Variants in SLC41A2 observed in about 807,000 individuals in gnomAD.
The protein encoded by SLC41A2 is SLC41A1-like 1.
A neutral mutation model predicts 58.3 loss-of-function variants in SLC41A2; 32 were observed. The observed-to-expected ratio is 0.55, with a 90% CI of 0.41 to 0.74. The LOEUF (loss-of-function observed/expected upper bound fraction) is 0.74. Among genes scored for constraint, SLC41A2 ranks in the 30% least tolerant of loss-of-function variants. The pLI, the probability that SLC41A2 is intolerant of heterozygous loss-of-function variation, is 0.00. For missense variants in SLC41A2, 514 were observed against 680.6 expected, an observed-to-expected ratio of 0.76 and a Z score of 2.72; for synonymous variants, 190 against 235.0, an observed-to-expected ratio of 0.81 and a Z score of 1.75.
At chr12:104,952,832 TG>T (rs993231042) in intron 1 of SLC41A2, among the ~76,000 whole-genome samples, 2 of 152,206 alleles carry the variant, frequency 1.3e-5, no homozygotes, top group African/African-American at 4.8e-5. Flanking sequence ...ATGTTCTTTT[TG>T]CTCAAAACAC....
At position 104,819,843 on chromosome 12, in the gene SLC41A2, G is replaced by C. The variant is rs117448812; in HGVS notation, c.1537-14506C>G. Among the ~76,000 whole-genome samples the C allele has an allele frequency of 8.8e-3, 1,346 of 152,296 alleles. 40 individuals carry two copies. In the East Asian group the frequency reaches 0.12, roughly 14 times the overall value. ...TTTCCCCAACCCTTCTTTTCCTCCT[G>C]TAAGGATACAATGCTGTGGAGTCTT... is the stretch of plus-strand genomic sequence containing the variant. On this transcript the variant is annotated intron_variant, in intron 10 of 10. Transcript: ENST00000258538.
chr12:104,886,570 G>T, intron 5 of SLC41A2, 131 bp from the exon 6 acceptor site: 1 of 902,378 alleles, frequency 1.1e-6, no homozygotes. Flanking sequence ...GCTGACTAAA[G>T]CAAACAAAAC....
At chr12:104,854,387 C>T (rs1167152447) in intron 8 of SLC41A2, among the ~76,000 whole-genome samples, 2 of 151,940 alleles carry the variant, frequency 1.3e-5, no homozygotes, top group African/African-American at 4.8e-5. Flanking sequence ...CACGGTGAAA[C>T]CCCGTCTCTA....
intron 10 of SLC41A2, among the ~76,000 whole-genome samples, chr12:104,811,420 T>C (rs2041169538): frequency 6.6e-6 from 1 of 152,140 alleles, no homozygotes; most frequent in African/African-American, 2.4e-5. Flanking sequence ...ATAAAGTGTA[T>C]AAGTATAAAA....
chr12:104,810,552 A>T (rs1450898760), intron 10 of SLC41A2, among the ~76,000 whole-genome samples: 1 of 152,190 alleles, frequency 6.6e-6, no homozygotes, highest in Non-Finnish European at 1.5e-5. Flanking sequence ...AAGGTTGGCA[A>T]ACTACAGCCC....
intron 1 of SLC41A2, among the ~76,000 whole-genome samples, chr12:104,936,073 C>T (rs1457343026): frequency 6.6e-6 from 1 of 151,516 alleles, no homozygotes; most frequent in African/African-American, 2.4e-5. Flanking sequence ...TGCCTAGTGA[C>T]ATCATAGCTG....
intron 10 of SLC41A2, among the ~76,000 whole-genome samples, chr12:104,814,687 T>TAAAC (rs1410495864): frequency 6.6e-6 from 1 of 152,174 alleles, no homozygotes; most frequent in African/African-American, 2.4e-5. Context: ...TTGCCAAAAT[T>TAAAC]AAACAAGATA....
intron 6 of SLC41A2, among the ~76,000 whole-genome samples, chr12:104,884,588 T>C (rs565779656): frequency 9.2e-5 from 14 of 152,318 alleles, no homozygotes; most frequent in African/African-American, 3.4e-4. Context: ...ATTTCTGTCC[T>C]TTTAATGATA....
In SLC41A2 at chr12:104,928,545, C is replaced by T. The variant is rs1233377654; in HGVS notation, c.-18G>A. On this transcript the variant is annotated 5_prime_UTR_variant, in exon 2 of 11. Coordinates refer to ENST00000258538, the MANE Select transcript of SLC41A2 (RefSeq NM_001352171.3). The stretch of plus-strand genomic sequence containing the variant: ...TTAGTCATATTGTCATCACAAAAGA[C>T]CCTGTACTCCTTAGATCTCAAGCTT... 6.9e-7 allele frequency: 1 copy of T among 1,446,232 alleles called. No homozygotes were observed. Among genetic ancestry groups the T allele is most frequent in the Non-Finnish European group, 9.2e-7 (1 of 1,092,644 alleles). 89.6% of individuals were successfully genotyped at this position (1,446,232 alleles called of 1,614,324 possible).
chr12:104,829,525 C>T (rs2041969331), intron 10 of SLC41A2, among the ~76,000 whole-genome samples: 1 of 151,854 alleles, frequency 6.6e-6, no homozygotes, highest in South Asian at 2.1e-4. Context: ...CATGAGGAAA[C>T]CTTTTGGAGG....
intron 10 of SLC41A2, among the ~76,000 whole-genome samples, chr12:104,825,387 G>A (rs1384024764): frequency 2.0e-5 from 3 of 152,206 alleles, no homozygotes; most frequent in Admixed American, 2.0e-4. Context: ...CTCGCCTGCT[G>A]TGTCAATGGA....
chr12:104,831,278 C>G (rs2042025355), intron 10 of SLC41A2, among the ~76,000 whole-genome samples: 1 of 152,044 alleles, frequency 6.6e-6, no homozygotes, highest in African/African-American at 2.4e-5. Context: ...CTCCCCATGT[C>G]TTAAAAATAA....
chr12:104,893,183 A>G (rs2045103371), intron 4 of SLC41A2, among the ~76,000 whole-genome samples: 1 of 152,242 alleles, frequency 6.6e-6, no homozygotes, highest in African/African-American at 2.4e-5. Flanking sequence ...CTGATTTTAA[A>G]ACAGGCAAAA....
At chr12:104,841,598 T>C in intron 10 of SLC41A2, among the ~76,000 whole-genome samples, 1 of 152,080 alleles carries the variant, frequency 6.6e-6, no homozygotes, top group East Asian at 1.9e-4. Context: ...CAGGGTACTT[T>C]GGGAAATAGA....
rs1035625164 is a variant in SLC41A2 at position 104,875,058 on chromosome 12, T to C, written c.1028-8479A>G. Among the ~76,000 whole-genome samples, 5 of 152,350 alleles carry C rather than the reference T, an allele frequency of 3.3e-5. 1 individual carries two copies. In the South Asian group the frequency reaches 1.0e-3, roughly 32 times the overall value. ...TTGTAGAGATATTTCACCTCCTTTG[T>C]TAAAGTTATTTCTAGATATTTTATT... is the stretch of plus-strand genomic sequence containing the variant. On this transcript the variant is annotated intron_variant, in intron 6 of 10. Transcript: ENST00000258538.
At chr12:104,909,514 T>G in intron 3 of SLC41A2, 141 bp downstream of exon 3, 1 of 585,880 alleles carries the variant, frequency 1.7e-6, no homozygotes, top group Non-Finnish European at 3.0e-6. Context: ...TTTCAGAATA[T>G]GATATCAGGC....
intron 10 of SLC41A2, among the ~76,000 whole-genome samples, chr12:104,808,649 C>T (rs1388711246): frequency 6.6e-6 from 1 of 152,280 alleles, no homozygotes; most frequent in East Asian, 1.9e-4. Flanking sequence ...ATGGTACCAG[C>T]TCCTCCTTGT....
chr12:104,820,302 C>G (rs532508538), intron 10 of SLC41A2, among the ~76,000 whole-genome samples: 1 of 152,084 alleles, frequency 6.6e-6, no homozygotes, highest in South Asian at 2.1e-4. Context: ...CCTGTGTCTA[C>G]TTAAAAATAA....
At chr12:104,951,424 G>A (rs186288153) in intron 1 of SLC41A2, 7 of 152,122 alleles carry the variant, frequency 4.6e-5, no homozygotes, top group East Asian at 1.9e-4. Flanking sequence ...AAAAACTAAC[G>A]AGCAAAATTT....
Sources: allele counts gnomAD v4.1 joint callset (sites outside exome capture counted in the v4.1 genomes callset), GRCh38; gene constraint gnomAD v4.1.1; transcripts MANE v1.5; gene names NCBI Gene and HGNC (gene_info 2026-07-23, HGNC 2026-07-21).